Variants in GLP2R observed in about 807,000 individuals in gnomAD.
GLP2R encodes the protein glucagon like peptide 2 receptor.
A neutral mutation model predicts 68.2 loss-of-function variants in GLP2R; 59 were observed. The ratio of observed to expected loss-of-function variants is 0.87; its 90% confidence interval spans 0.70 to 1.07. The LOEUF (loss-of-function observed/expected upper bound fraction) is 1.07. GLP2R is among the 50% of genes least tolerant of loss of function. The pLI is 0.00. For synonymous variants in GLP2R, 270 were observed against 265.4 expected (o/e 1.02, Z -0.17); for missense variants, 548 against 677.4 (o/e 0.81, Z 2.12).
At chr17:9,865,814 A>G (rs2067030986) in intron 9 of GLP2R, 1 of 471,084 alleles carries the variant, frequency 2.1e-6, no homozygotes. Context: ...TTGCTTAACT[A>G]TTGTTGTCTG....
chr17:9,876,092 G>T (rs2067140154), intron 10 of GLP2R, among the ~76,000 whole-genome samples: 1 of 152,094 alleles, frequency 6.6e-6, no homozygotes, highest in African/African-American at 2.4e-5. Context: ...GGTCAGGCTG[G>T]TCTCCAACTC....
chr17:9,842,708 C>A, intron 4 of GLP2R, 92 bp downstream of exon 4: 3 of 1,373,728 alleles, frequency 2.2e-6, no homozygotes, highest in Non-Finnish European at 3.0e-6. Flanking sequence ...AGGGGCCACA[C>A]AAAGAGGCTT....
Position 9,891,431 on chromosome 17 carries a change from A to G in GLP2R, c.*1726A>G, listed in dbSNP as rs954043966. 1 of 152,248 alleles carries G rather than the reference A, an allele frequency of 6.6e-6. No individual in the cohort carries two copies. Among genetic ancestry groups the G allele is most frequent in the Non-Finnish European group, 1.5e-5 (1 of 68,038 alleles). The allele number at this position is 152,248 out of a possible 1,614,324, so 9.4% of individuals were successfully genotyped here. A position where few individuals can be genotyped will look rare whatever the true frequency, so the allele number is the denominator to read the frequency against. ...ATTTATAGAAATGAAATTTGATTGG[A>G]GCCAGGGGCAGGATAAGGGTGAGGC... On this transcript the variant is annotated 3_prime_UTR_variant, in exon 13 of 13. Coordinates refer to ENST00000262441, the MANE Select transcript of GLP2R (RefSeq NM_004246.3).
chr17:9,826,081 C>T lies in GLP2R; in HGVS notation c.18C>T (p.Ser6=). MKLGS[S]RAGPGRGSAG... ...CGAGGAAGATGAAGCTGGGATCGAG[C>T]AGGGCAGGGCCTGGGAGAGGAAGCG... The change falls in exon 1 of 13, where the codon AGC becomes AGT. Residue 6 remains serine (S), a synonymous_variant. Coordinates refer to ENST00000262441, the MANE Select transcript of GLP2R (RefSeq NM_004246.3). 1 of 1,611,712 alleles carries T rather than the reference C, an allele frequency of 6.2e-7. No homozygotes were observed. Among genetic ancestry groups the T allele is most frequent in the South Asian group, 1.1e-5 (1 of 90,534 alleles).
At chr17:9,827,350 G>T (rs1034166132) in intron 1 of GLP2R, among the ~76,000 whole-genome samples, 2 of 152,120 alleles carry the variant, frequency 1.3e-5, no homozygotes, top group Non-Finnish European at 2.9e-5. Context: ...TGTGTTCTCA[G>T]CAACCCTATA....
At chr17:9,857,015 T>G (rs1421918788) in intron 5 of GLP2R, among the ~76,000 whole-genome samples, 2 of 151,998 alleles carry the variant, frequency 1.3e-5, no homozygotes, top group East Asian at 1.9e-4. Flanking sequence ...TCCGACTCCC[T>G]GGTTCAAGCA....
intron 9 of GLP2R, among the ~76,000 whole-genome samples, chr17:9,868,323 G>C (rs2067059597): frequency 6.6e-6 from 1 of 152,110 alleles, no homozygotes; most frequent in African/African-American, 2.4e-5. Context: ...AGAGTTTAGG[G>C]GTAGATGAGG....
chr17:9,859,915 C>T, intron 6 of GLP2R, 27 bp from the exon 7 acceptor site: 1 of 1,558,630 alleles, frequency 6.4e-7, no homozygotes, highest in Non-Finnish European at 8.7e-7. Flanking sequence ...AGCCTGGACT[C>T]ACCCTCAGGT....
intron 11 of GLP2R, among the ~76,000 whole-genome samples, chr17:9,886,375 G>A (rs766929089): frequency 1.3e-5 from 2 of 152,092 alleles, no homozygotes; most frequent in African/African-American, 4.8e-5. Context: ...CCAGACCCTA[G>A]GATGTTCCTA....
chr17:9,840,153 T>C (rs1251831734), intron 3 of GLP2R, among the ~76,000 whole-genome samples: 1 of 152,130 alleles, frequency 6.6e-6, no homozygotes, highest in Non-Finnish European at 1.5e-5. Flanking sequence ...ATTTGTGTAT[T>C]TTTAATAGAG....
chr17:9,865,886 G>C (rs1437962523), intron 9 of GLP2R: 1 of 471,188 alleles, frequency 2.1e-6, no homozygotes. Flanking sequence ...ATTCCCTTTG[G>C]TCACAAGGAA....
At chr17:9,857,379 C>A (rs369180942) in intron 5 of GLP2R, 44 bp from the exon 6 acceptor site, 7 of 1,596,082 alleles carry the variant, frequency 4.4e-6, no homozygotes, top group Non-Finnish European at 3.4e-6. Context: ...TTGGTTGGAG[C>A]CATTCTTTCC....
intron 10 of GLP2R, among the ~76,000 whole-genome samples, chr17:9,879,217 T>G (rs1486577961): frequency 6.7e-6 from 1 of 149,834 alleles, no homozygotes; most frequent in Non-Finnish European, 1.5e-5. Context: ...GCTAGGAGTT[T>G]GAGACCAGCC....
chr17:9,850,692 CTTTTTT>C (rs11288196), intron 4 of GLP2R, among the ~76,000 whole-genome samples: 1 of 125,996 alleles, frequency 7.9e-6, no homozygotes, highest in Admixed American at 8.6e-5. Flanking sequence ...GATTTTTTCA[CTTTTTT>C]TTTTTTTTTT....
At chr17:9,887,550 C>T (rs1328635737) in intron 11 of GLP2R, among the ~76,000 whole-genome samples, 4 of 151,920 alleles carry the variant, frequency 2.6e-5, no homozygotes, top group African/African-American at 7.2e-5. Flanking sequence ...AATAAACAAA[C>T]ATTAGCCAGT....
intron 4 of GLP2R, among the ~76,000 whole-genome samples, chr17:9,849,382 C>G (rs2152036337): frequency 6.6e-6 from 1 of 152,052 alleles, no homozygotes; most frequent in East Asian, 1.9e-4. Flanking sequence ...ACTACATTAC[C>G]ATTATTTCAA....
intron 10 of GLP2R, among the ~76,000 whole-genome samples, chr17:9,879,144 G>A (rs1442672667): frequency 1.3e-5 from 2 of 151,874 alleles, no homozygotes; most frequent in Non-Finnish European, 2.9e-5. Flanking sequence ...GCCAGGTGCA[G>A]TGGTTTGCAC....
At chr17:9,826,911 G>A (rs1045054187) in intron 1 of GLP2R, among the ~76,000 whole-genome samples, 22 of 151,928 alleles carry the variant, frequency 1.4e-4, no homozygotes, top group African/African-American at 2.9e-4. Flanking sequence ...TCGCTCTGTC[G>A]CCCAGGCTGA....
intron 10 of GLP2R, among the ~76,000 whole-genome samples, chr17:9,871,237 T>A (rs1401950611): frequency 6.6e-6 from 1 of 151,672 alleles, no homozygotes; most frequent in Non-Finnish European, 1.5e-5. Context: ...GCGTGGTGCA[T>A]GCCTGTAGTC....
Sources: allele counts gnomAD v4.1 joint callset (sites outside exome capture counted in the v4.1 genomes callset), GRCh38; gene constraint gnomAD v4.1.1; transcripts MANE v1.5; gene names NCBI Gene and HGNC (gene_info 2026-07-23, HGNC 2026-07-21).